The following DEPTOR variants were observed in gnomAD, a reference collection of about 807,000 sequenced individuals.
The protein encoded by DEPTOR is DEP domain containing MTOR interacting protein, also known as DEP domain-containing mTOR-interacting protein.
DEPTOR carries 41 observed loss-of-function variants against 41.6 expected under a neutral mutation model. That is an observed-to-expected ratio of 0.98 (90% CI 0.77 to 1.28). DEPTOR has a LOEUF of 1.28. DEPTOR is among the 50% of genes most tolerant of loss of function. The pLI is 0.00. For missense variants in DEPTOR, 514 were observed against 527.9 expected (o/e 0.97, Z 0.26); for synonymous variants, 195 against 192.3 (o/e 1.01, Z -0.12).
intron 8 of DEPTOR, among the ~76,000 whole-genome samples, chr8:120,045,260 T>A (rs1333718616): frequency 6.6e-6 from 1 of 152,252 alleles, no homozygotes; most frequent in East Asian, 1.9e-4. Flanking sequence ...CCTTACTTTA[T>A]GAAAGAGTGA....
At position 120,048,738 on chromosome 8, in the gene DEPTOR, T is replaced by C. The variant is rs1440753635; in HGVS notation, c.1102-838T>C. Among the ~76,000 whole-genome samples the C allele has an allele frequency of 5.3e-5, 8 of 152,058 alleles. 1 individual carries two copies. In the South Asian group the frequency reaches 1.5e-3, roughly 28 times the overall value. ...TTAATAGTACTCAGCATCGGTGTAG[T>C]GCTTGGTGTTTGCAAAGAGGTTTCA... On this transcript the variant is annotated intron_variant, in intron 8 of 8. Coordinates refer to ENST00000286234, the MANE Select transcript of DEPTOR (RefSeq NM_022783.4).
At chr8:119,946,495 A>T (rs1828280074) in intron 3 of DEPTOR, among the ~76,000 whole-genome samples, 1 of 150,332 alleles carries the variant, frequency 6.7e-6, no homozygotes, top group African/African-American at 2.5e-5. Flanking sequence ...TAATCCCAGT[A>T]CTTTGGGAGG....
intron 6 of DEPTOR, 89 bp from the exon 7 acceptor site, chr8:120,006,716 T>A: frequency 8.7e-7 from 1 of 1,151,242 alleles, no homozygotes. Context: ...TCACTGATGG[T>A]CACCTACGAG....
intron 4 of DEPTOR, among the ~76,000 whole-genome samples, chr8:119,986,651 C>T (rs1487208002): frequency 6.6e-6 from 1 of 152,058 alleles, no homozygotes; most frequent in Non-Finnish European, 1.5e-5. Context: ...CTCCCTGTCA[C>T]TTTCAGGTAC....
intron 7 of DEPTOR, among the ~76,000 whole-genome samples, chr8:120,007,355 A>T (rs1196605984): frequency 6.6e-6 from 1 of 152,138 alleles, no homozygotes; most frequent in African/African-American, 2.4e-5. Context: ...AGAGAAAGGA[A>T]ACTGTGGGAT....
intron 1 of DEPTOR, among the ~76,000 whole-genome samples, chr8:119,911,334 T>C (rs13281991): frequency 0.52 from 68,673 of 130,866 alleles, 18,537 homozygotes; most frequent in East Asian, 0.92. Context: ...TTTTTTTTTT[T>C]TGAGACGGAG....
At chr8:120,002,727 C>T (rs1812367914) in intron 5 of DEPTOR, among the ~76,000 whole-genome samples, 2 of 135,722 alleles carry the variant, frequency 1.5e-5, no homozygotes, top group Admixed American at 1.6e-4. Context: ...GCAGTGAGCC[C>T]AGGTTGTGTC....
At chr8:120,014,908 C>T (rs1226442068) in intron 8 of DEPTOR, among the ~76,000 whole-genome samples, 1 of 150,578 alleles carries the variant, frequency 6.6e-6, no homozygotes, top group African/African-American at 2.4e-5. Context: ...ATGATATAAT[C>T]TTTTTTTTTT....
chr8:119,888,022 T>C (rs1827396204), intron 1 of DEPTOR, among the ~76,000 whole-genome samples: 1 of 152,120 alleles, frequency 6.6e-6, no homozygotes, highest in South Asian at 2.1e-4. Context: ...CATCTCACTG[T>C]ATTGCTCAAG....
intron 4 of DEPTOR, 130 bp downstream of exon 4, chr8:119,965,540 T>C: frequency 8.4e-7 from 1 of 1,193,694 alleles, no homozygotes. Flanking sequence ...ATGTTCAGCT[T>C]GTCTCCAAGT....
Position 119,873,815 on chromosome 8 carries a change from G to A in DEPTOR, c.-32G>A, listed in dbSNP as rs780770059. On this transcript the variant is annotated 5_prime_UTR_variant, in exon 1 of 9. Transcript: ENST00000286234. ...AGCACCCAAACCCTCGGCGGACAGCGGAGCCAGTGGTAGCCGCACGGCCCT... is the reference window on the plus strand; with the variant it reads ...AGCACCCAAACCCTCGGCGGACAGCAGAGCCAGTGGTAGCCGCACGGCCCT... 19 of 1,606,704 alleles carry A rather than the reference G, an allele frequency of 1.2e-5. No individual in the cohort carries two copies. Among genetic ancestry groups the A allele is most frequent in the Non-Finnish European group, 1.4e-5 (16 of 1,176,608 alleles).
intron 8 of DEPTOR, among the ~76,000 whole-genome samples, chr8:120,039,579 A>T (rs1490064553): frequency 6.6e-6 from 1 of 152,120 alleles, no homozygotes; most frequent in Non-Finnish European, 1.5e-5. Flanking sequence ...CAAAAATCTA[A>T]ATTTCAACGG....
At chr8:119,942,318 G>GTC (rs1475109968) in intron 3 of DEPTOR, among the ~76,000 whole-genome samples, 2 of 152,292 alleles carry the variant, frequency 1.3e-5, no homozygotes, top group African/African-American at 2.4e-5. Flanking sequence ...CAATTCTCCT[G>GTC]TCTCAACCTT....
chr8:119,963,052 C>A (rs1178898025), intron 3 of DEPTOR, among the ~76,000 whole-genome samples: 2 of 152,080 alleles, frequency 1.3e-5, no homozygotes, highest in Non-Finnish European at 2.9e-5. Context: ...GGATGCAAAG[C>A]TGTAGGGTTG....
At chr8:120,047,773 T>C (rs192175818) in intron 8 of DEPTOR, among the ~76,000 whole-genome samples, 59 of 152,132 alleles carry the variant, frequency 3.9e-4, no homozygotes, top group African/African-American at 1.3e-3. Context: ...AGGCCAAGTG[T>C]GGTGGCTCAC....
intron 3 of DEPTOR, among the ~76,000 whole-genome samples, chr8:119,938,161 G>A (rs888382772): frequency 5.9e-5 from 9 of 152,270 alleles, no homozygotes; most frequent in South Asian, 2.1e-4. Flanking sequence ...ATTGGATTCC[G>A]TAGCTGATCA....
At chr8:119,928,954 A>G (rs941605763) in intron 2 of DEPTOR, among the ~76,000 whole-genome samples, 1 of 152,128 alleles carries the variant, frequency 6.6e-6, no homozygotes, top group Admixed American at 6.5e-5. Flanking sequence ...TAAGGAATGC[A>G]TCATATTGTT....
At chr8:120,005,737 T>G (rs1812426948) in intron 6 of DEPTOR, among the ~76,000 whole-genome samples, 2 of 152,120 alleles carry the variant, frequency 1.3e-5, no homozygotes, top group South Asian at 2.1e-4. Flanking sequence ...CAGTTCTTAG[T>G]GAGCACAGGA....
chr8:119,952,459 A>G (rs1222883961), intron 3 of DEPTOR, among the ~76,000 whole-genome samples: 1 of 152,170 alleles, frequency 6.6e-6, no homozygotes, highest in African/African-American at 2.4e-5. Context: ...GTATTACTGT[A>G]CAAGGAGCCC....
Sources: gnomAD v4.1 joint callset for allele counts (sites outside exome capture counted in the v4.1 genomes callset) on GRCh38, gnomAD v4.1.1 for gene constraint, MANE v1.5 for transcripts, NCBI Gene and HGNC (gene_info 2026-07-23, HGNC 2026-07-21) for gene names.